ITPR2: variants seen among roughly 807,000 people sequenced by gnomAD.
The protein encoded by ITPR2 is inositol 1,4,5-trisphosphate receptor type 2.
Under a neutral mutation model 317.1 loss-of-function variants are expected in ITPR2, and 207 were observed. The ratio of observed to expected loss-of-function variants is 0.65; its 90% CI spans 0.58 to 0.73. The LOEUF (loss-of-function observed/expected upper bound fraction) is 0.73. Ranked by LOEUF, ITPR2 falls within the 30% of genes least tolerant of loss-of-function variation. The probability of loss-of-function intolerance (pLI) is 0.00; values close to 1 mark genes in which losing one functional copy is unlikely to be tolerated. For synonymous variants in ITPR2, 1,156 were observed against 1,149.1 expected (o/e 1.01, Z -0.12); for missense variants, 2,613 against 3,284.0 (o/e 0.80, Z 4.99).
intron 23 of ITPR2, 44 bp downstream of exon 23, chr12:26,627,989 A>G: frequency 6.6e-7 from 1 of 1,524,728 alleles, no homozygotes; most frequent in Non-Finnish European, 8.9e-7. Context: ...TCAAGTTCTC[A>G]GAAAAATAAA....
chr12:26,570,035 G>A (rs942087088), intron 34 of ITPR2, among the ~76,000 whole-genome samples: 22 of 152,180 alleles, frequency 1.4e-4, no homozygotes, highest in Non-Finnish European at 3.1e-4. Context: ...CCAAAGAGAA[G>A]AATGAGATAC....
intron 39 of ITPR2, among the ~76,000 whole-genome samples, chr12:26,493,448 G>A (rs760048582): frequency 1.2e-4 from 19 of 152,098 alleles, no homozygotes; most frequent in Non-Finnish European, 2.4e-4. Flanking sequence ...GCAGGCTACC[G>A]AGCAGCAAAA....
At chr12:26,759,653 G>A (rs74072352) in intron 2 of ITPR2, among the ~76,000 whole-genome samples, 4,027 of 152,252 alleles carry the variant, frequency 0.026, 70 homozygotes, top group African/African-American at 0.057. Context: ...GCAATTAGAG[G>A]TGCAGAGCAC....
At chr12:26,702,059 T>G (rs767833871) in intron 9 of ITPR2, among the ~76,000 whole-genome samples, 1 of 152,190 alleles carries the variant, frequency 6.6e-6, no homozygotes, top group Non-Finnish European at 1.5e-5. Context: ...CCCCATATTT[T>G]CCTATGCAAA....
intron 13 of ITPR2, among the ~76,000 whole-genome samples, chr12:26,680,882 A>C (rs752400526): frequency 4.6e-5 from 7 of 152,166 alleles, no homozygotes; most frequent in Non-Finnish European, 7.4e-5. Flanking sequence ...ATGTTCAAGA[A>C]TGTTCAGCCT....
At chr12:26,600,167 G>T in intron 28 of ITPR2, 58 bp from the exon 29 acceptor site, 1 of 1,470,248 alleles carries the variant, frequency 6.8e-7, no homozygotes, top group Non-Finnish European at 9.3e-7. Flanking sequence ...CAAATGTTAT[G>T]CAAAAATCTC....
At chr12:26,517,595 T>C (rs755607351) in intron 37 of ITPR2, among the ~76,000 whole-genome samples, 14 of 152,210 alleles carry the variant, frequency 9.2e-5, no homozygotes, top group Admixed American at 3.9e-4. Flanking sequence ...CCTAGCACTT[T>C]GGGAGGCCAA....
At chr12:26,380,894 A>G (rs982695066) in intron 55 of ITPR2, among the ~76,000 whole-genome samples, 1 of 152,202 alleles carries the variant, frequency 6.6e-6, no homozygotes, top group Non-Finnish European at 1.5e-5. Flanking sequence ...TCCCCTCCTT[A>G]TGTGGCTAAA....
At chr12:26,504,769 A>T (rs1422408868) in intron 37 of ITPR2, among the ~76,000 whole-genome samples, 1 of 152,242 alleles carries the variant, frequency 6.6e-6, no homozygotes, top group Non-Finnish European at 1.5e-5. Flanking sequence ...GCATGATAGC[A>T]ATAGCAAAAC....
chr12:26,706,023 A>G (rs1948543771), intron 9 of ITPR2, among the ~76,000 whole-genome samples: 2 of 152,232 alleles, frequency 1.3e-5, no homozygotes, highest in Non-Finnish European at 2.9e-5. Flanking sequence ...TGTAGAAAGC[A>G]GATCATTCAG....
At chr12:26,511,530 G>GT (rs1943347110) in intron 37 of ITPR2, among the ~76,000 whole-genome samples, 2 of 152,086 alleles carry the variant, frequency 1.3e-5, no homozygotes, top group Admixed American at 6.6e-5. Context: ...AACTTTTTTT[G>GT]TAAGTATTTA....
At chr12:26,800,219 T>C (rs968865393) in intron 1 of ITPR2, among the ~76,000 whole-genome samples, 6 of 75,268 alleles carry the variant, frequency 8.0e-5, no homozygotes, top group Non-Finnish European at 1.7e-4. Context: ...GAAAAAACTT[T>C]CCATTCAAAA....
rs1232193795 is a variant in ITPR2 at position 26,707,680 on chromosome 12, C to T, written c.951+3493G>A. ...TCCCAAGTAGCTGGGATTACAGGCA[C>T]CCGCCATCATGCCTGGCTAATTATT... On this transcript the variant is annotated intron_variant, in intron 9 of 56. Coordinates refer to ENST00000381340, the MANE Select transcript of ITPR2 (RefSeq NM_002223.4). Among the ~76,000 whole-genome samples, 4 of 152,236 alleles carry T rather than the reference C, an allele frequency of 2.6e-5. No individual in the cohort carries two copies. The South Asian group carries it at 8.3e-4, about 32-fold the overall frequency.
In ITPR2 at chr12:26,474,711, G is replaced by A. The variant is rs944683890; in HGVS notation, c.6342+585C>T. ...TGGGAGGCTGAGGCAGGAGAATGGC[G>A]TGAACCCGGGAGGCGGAGCTTGCAG... On this transcript the variant is annotated intron_variant, in intron 45 of 56. Coordinates refer to ENST00000381340, the MANE Select transcript of ITPR2 (RefSeq NM_002223.4). Among the ~76,000 whole-genome samples the A allele has an allele frequency of 6.4e-3, 936 of 145,324 alleles. 16 individuals are homozygous for A. The highest frequency in any genetic ancestry group is 0.022 in the African/African-American group (891 of 39,928).
chr12:26,587,033 T>G (rs1268381248), intron 32 of ITPR2, among the ~76,000 whole-genome samples: 1 of 151,576 alleles, frequency 6.6e-6, no homozygotes, highest in Admixed American at 6.6e-5. Context: ...ATATTATATA[T>G]GCAAAAGTCT....
At chr12:26,784,255 ATCT>A (rs1459584078) in intron 2 of ITPR2, among the ~76,000 whole-genome samples, 1,160 of 102,906 alleles carry the variant, frequency 0.011, 27 homozygotes, top group African/African-American at 0.047. Flanking sequence ...AAAATGGAGA[ATCT>A]CCCTCTCCCT....
intron 45 of ITPR2, among the ~76,000 whole-genome samples, chr12:26,450,154 C>G (rs77561835): frequency 0.037 from 5,650 of 152,214 alleles, 135 homozygotes; most frequent in Middle Eastern, 0.092. Flanking sequence ...CGAGGGCCTT[C>G]AGAGAGAGCA....
rs138106955 is a variant in ITPR2 at position 26,798,404 on chromosome 12, A to G, written c.93-8177T>C. Reference sequence around the variant, plus strand: ...TGTCATCCTTCACTAGCGCCCTCTGACATGTATCATAATTTATACACTGTA... The same window carrying G: ...TGTCATCCTTCACTAGCGCCCTCTGGCATGTATCATAATTTATACACTGTA... On this transcript the variant is annotated intron_variant, in intron 1 of 56. Transcript: ENST00000381340. Among the ~76,000 whole-genome samples, 124 of 152,294 alleles carry G rather than the reference A, an allele frequency of 8.1e-4. 1 individual carries two copies. The East Asian group carries it at 0.021, about 26-fold the overall frequency.
intron 54 of ITPR2, among the ~76,000 whole-genome samples, chr12:26,391,994 A>AG (rs1397146727): frequency 6.6e-6 from 1 of 152,128 alleles, no homozygotes; most frequent in Non-Finnish European, 1.5e-5. Context: ...AGGGCAGTGG[A>AG]GGGGGAAATG....
Sources: allele counts gnomAD v4.1 joint callset (sites outside exome capture counted in the v4.1 genomes callset), GRCh38; gene constraint gnomAD v4.1.1; transcripts MANE v1.5; gene names NCBI Gene and HGNC (gene_info 2026-07-23, HGNC 2026-07-21).